PCNT: variants seen among roughly 807,000 people sequenced by gnomAD.
PCNT encodes kendrin.
Under a neutral mutation model 380.4 loss-of-function variants are expected in PCNT, and 319 were observed. The observed-to-expected ratio is 0.84, with a 90% CI of 0.77 to 0.92. The LOEUF is 0.92. PCNT is among the 40% of genes least tolerant of loss of function. PCNT has a pLI of 0.00. For missense variants in PCNT, 4,400 were observed against 4,255.3 expected, an observed-to-expected ratio of 1.03 and a Z score of -0.95; for synonymous variants, 1,845 against 1,735.2, an observed-to-expected ratio of 1.06 and a Z score of -1.57.
intron 15 of PCNT, among the ~76,000 whole-genome samples, chr21:46,379,336 A>G (rs892841357): frequency 5.9e-5 from 9 of 151,986 alleles, no homozygotes; most frequent in African/African-American, 1.7e-4. Flanking sequence ...TCCTGGGGCT[A>G]CGTGTCTTGA....
At chr21:46,358,197 C>T (rs1391372451) in intron 13 of PCNT, among the ~76,000 whole-genome samples, 3 of 152,224 alleles carry the variant, frequency 2.0e-5, no homozygotes, top group Non-Finnish European at 4.4e-5. Context: ...CAGGGTCCAT[C>T]CCGTGCCAGA....
At position 46,401,661 on chromosome 21, in the gene PCNT, T is replaced by G; in HGVS notation, c.4902T>G (p.Pro1634=). The G allele has an allele frequency of 1.9e-6, 3 of 1,613,962 alleles. No individual in the cohort carries two copies. The highest frequency in any genetic ancestry group is 2.5e-6 in the Non-Finnish European group (3 of 1,179,992). ...CCGAGCCTCCTTCGGGCAGCCCTCC[T>G]GAGGGTCCAGAAATACAGTTAGAGG... ...RCPEPPSGSP[P]EGPEIQLEVT... is the part of the protein sequence containing the mutation. The change falls in exon 26 of 47, where the codon CCT becomes CCG. Residue 1634 remains proline (P), a synonymous_variant. Transcript: ENST00000359568.
chr21:46,346,951 A>C lies in PCNT; in HGVS notation c.929A>C (p.His310Pro). ...QHELELLREQHAREKEEVVLR... is the reference protein window; with the variant it reads ...QHELELLREQPAREKEEVVLR... ...GAGCTGGAGCTCCTCAGGGAGCAGCACGCACGGGAGAAGGAGGAGGTGGTG... is the reference window on the plus strand; with the variant it reads ...GAGCTGGAGCTCCTCAGGGAGCAGCCCGCACGGGAGAAGGAGGAGGTGGTG... Residue 310 changes from histidine to proline, a missense_variant, in exon 5 of 47, where the codon CAC becomes CCC. His to Pro is a moderately conservative substitution (Grantham distance 77). Transcript: ENST00000359568. The C allele has an allele frequency of 1.3e-6, 2 of 1,597,440 alleles. No individual in the cohort carries two copies.
chr21:46,373,833 G>A (rs1156503098), intron 15 of PCNT, among the ~76,000 whole-genome samples: 2 of 148,516 alleles, frequency 1.3e-5, no homozygotes, highest in Non-Finnish European at 3.0e-5. Flanking sequence ...GGGTTCAAGC[G>A]ATTTTCCTGC....
intron 32 of PCNT, among the ~76,000 whole-genome samples, chr21:46,424,993 G>A (rs951736688): frequency 1.3e-5 from 2 of 152,100 alleles, no homozygotes; most frequent in Admixed American, 1.3e-4. Flanking sequence ...CACACCCGTC[G>A]TAGGCTTCAT....
chr21:46,358,494 G>C (rs1197159355), intron 13 of PCNT, among the ~76,000 whole-genome samples: 3 of 152,252 alleles, frequency 2.0e-5, no homozygotes, highest in Non-Finnish European at 4.4e-5. Context: ...TGGGGAGCCG[G>C]ACAGGCGGTA....
Position 46,445,393 on chromosome 21 carries a change from C to T in PCNT, c.*66C>T. ...GGAAAAGATTTGTTTTTCCCTTTTC[C>T]CAAGGAAGCTCGTGGGACAGCATGG... is the stretch of plus-strand genomic sequence containing the variant. On this transcript the variant is annotated 3_prime_UTR_variant, in exon 47 of 47. Transcript: ENST00000359568. 2 of 1,309,508 alleles carry T rather than the reference C, an allele frequency of 1.5e-6. No homozygotes were observed. The highest frequency in any genetic ancestry group is 2.2e-6 in the Non-Finnish European group (2 of 901,992). 81.1% of individuals were successfully genotyped at this position (1,309,508 alleles called of 1,614,324 possible).
intron 29 of PCNT, among the ~76,000 whole-genome samples, chr21:46,415,413 T>C (rs943624827): frequency 1.5e-5 from 2 of 137,452 alleles, no homozygotes; most frequent in African/African-American, 2.7e-5. Context: ...AGTCTCGCTC[T>C]GTCGCCCAGG....
chr21:46,337,444 C>G (rs2083784018), intron 3 of PCNT, among the ~76,000 whole-genome samples: 1 of 152,218 alleles, frequency 6.6e-6, no homozygotes. Context: ...CAAGGTTACT[C>G]AGGTCACTCC....
chr21:46,440,052 T>C, intron 41 of PCNT, 31 bp from the exon 42 acceptor site: 2 of 1,613,752 alleles, frequency 1.2e-6, no homozygotes, highest in South Asian at 1.1e-5. Context: ...CGAGCAGCTC[T>C]GTAGACAGCG....
Position 46,445,427 on chromosome 21 carries a change from CTT to C in PCNT, c.*101_*102del. ...CTCGTGGGACAGCATGGGCACTACT[CTT>C]CATGTGCGGTGACACCAGCCCCCAG... On this transcript the variant is annotated 3_prime_UTR_variant, in exon 47 of 47. Transcript: ENST00000359568. 2.2e-6 allele frequency: 2 copies of C among 920,798 alleles called. No individual in the cohort carries two copies. Among genetic ancestry groups the C allele is most frequent in the South Asian group, 1.3e-5 (1 of 77,020 alleles). The allele number at this position is 920,798 out of a possible 1,614,324, so 57.0% of individuals were successfully genotyped here.
intron 37 of PCNT, chr21:46,431,224 A>G: frequency 8.0e-7 from 1 of 1,257,846 alleles, no homozygotes; most frequent in South Asian, 1.7e-5. Flanking sequence ...TGGTGGAGTG[A>G]TTTTCTGGAG....
chr21:46,372,278 T>A (rs904410974), intron 15 of PCNT, among the ~76,000 whole-genome samples: 1 of 148,916 alleles, frequency 6.7e-6, no homozygotes, highest in Non-Finnish European at 1.5e-5. Context: ...AGCACATGCA[T>A]GCACACAGCA....
intron 13 of PCNT, among the ~76,000 whole-genome samples, chr21:46,358,678 G>A (rs545319607): frequency 1.3e-4 from 20 of 151,620 alleles, no homozygotes; most frequent in Non-Finnish European, 1.9e-4. Flanking sequence ...AGGCTGGAGC[G>A]TAGTGGCGCG....
chr21:46,416,983 C>T, intron 30 of PCNT, 144 bp downstream of exon 30: 3 of 723,596 alleles, frequency 4.1e-6, no homozygotes, highest in Non-Finnish European at 6.7e-6. Context: ...GGACTGGCAT[C>T]ATGGGCGCAT....
Position 46,340,030 on chromosome 21 carries a change from C to T in PCNT, c.639+5262C>T, listed in dbSNP as rs139123718. On this transcript the variant is annotated intron_variant, in intron 3 of 46. Transcript: ENST00000359568. Reference sequence around the variant, plus strand: ...GCTGCTAATAAAGGCATACCCAAGACTGGGTAATTAAGGAAGAGAGGTTTA... The same window carrying T: ...GCTGCTAATAAAGGCATACCCAAGATTGGGTAATTAAGGAAGAGAGGTTTA... 6.9e-3 allele frequency among the ~76,000 whole-genome samples: 1,057 copies of T among 152,270 alleles called. 8 individuals carry two copies. The highest frequency in any genetic ancestry group is 0.011 in the Admixed American group (167 of 15,276).
intron 15 of PCNT, among the ~76,000 whole-genome samples, chr21:46,368,787 G>C (rs2085018804): frequency 1.3e-5 from 2 of 152,256 alleles, no homozygotes; most frequent in South Asian, 2.1e-4. Context: ...GAGGCAGTTA[G>C]AAATGGTTGT....
chr21:46,412,748 C>A, intron 28 of PCNT, 89 bp from the exon 29 acceptor site: 3 of 1,390,370 alleles, frequency 2.2e-6, no homozygotes, highest in Non-Finnish European at 3.0e-6. Context: ...TGCTGGCTGC[C>A]GTACTGGTTC....
In PCNT at chr21:46,367,285, A is replaced by T. The variant is rs574187939; in HGVS notation, c.3165+146A>T. On this transcript the variant is annotated intron_variant, in intron 15 of 46. Transcript: ENST00000359568. ...TCACAGGCTGCCGAGATCAGTGGGG[A>T]CTTCTGGTCTCTTTGTGAACTGGGC... is the stretch of plus-strand genomic sequence containing the variant. The T allele has an allele frequency of 2.2e-5, 14 of 643,132 alleles. No homozygotes were observed. In the African/African-American group the frequency reaches 2.7e-4, roughly 12 times the overall value. 39.8% of individuals were successfully genotyped at this position (643,132 alleles called of 1,614,324 possible).
Sources: allele counts gnomAD v4.1 joint callset (sites outside exome capture counted in the v4.1 genomes callset), GRCh38; gene constraint gnomAD v4.1.1; transcripts MANE v1.5; gene names NCBI Gene and HGNC (gene_info 2026-07-23, HGNC 2026-07-21).